The following TGM6 variants were observed in gnomAD, a reference collection of about 807,000 sequenced individuals.
TGM6 encodes the protein protein-glutamine gamma-glutamyltransferase 6.
TGM6 carries 74 observed loss-of-function variants against 77.5 expected under a neutral mutation model. That is an observed-to-expected ratio of 0.96 (90% confidence interval 0.79 to 1.16). The LOEUF is 1.16. TGM6 is among the 50% of genes most tolerant of loss of function. The pLI is 0.00. For synonymous variants in TGM6, 383 were observed against 378.9 expected (o/e 1.01, Z -0.12); for missense variants, 968 against 940.2 (o/e 1.03, Z -0.39).
chr20:2,420,950 T>G (rs1355912149), intron 10 of TGM6, among the ~76,000 whole-genome samples: 6 of 152,124 alleles, frequency 3.9e-5, no homozygotes, highest in Admixed American at 2.6e-4. Context: ...GCTGTAAACA[T>G]CCTTATGCAG....
intron 10 of TGM6, among the ~76,000 whole-genome samples, chr20:2,421,993 G>A (rs770626543): frequency 2.0e-5 from 3 of 152,096 alleles, no homozygotes; most frequent in East Asian, 1.9e-4. Flanking sequence ...GTAGCTGGGC[G>A]TGGTGGTGGG....
intron 9 of TGM6, among the ~76,000 whole-genome samples, chr20:2,414,941 G>GA (rs1568665932): frequency 7.2e-6 from 1 of 139,686 alleles, no homozygotes; most frequent in African/African-American, 2.8e-5. Flanking sequence ...ATTTGGGGGG[G>GA]GGGGTGAAAA....
At chr20:2,390,703 T>C (rs1308450507) in intron 1 of TGM6, among the ~76,000 whole-genome samples, 2 of 151,842 alleles carry the variant, frequency 1.3e-5, no homozygotes, top group African/African-American at 2.4e-5. Flanking sequence ...TGGAGGAAAA[T>C]AGTGGAGAAG....
At chr20:2,411,742 C>T (rs1022791951) in intron 9 of TGM6, among the ~76,000 whole-genome samples, 2 of 152,086 alleles carry the variant, frequency 1.3e-5, no homozygotes, top group Non-Finnish European at 2.9e-5. Flanking sequence ...TAGACTCTTA[C>T]ATTATATAGA....
intron 10 of TGM6, among the ~76,000 whole-genome samples, chr20:2,424,954 T>C (rs1285740311): frequency 6.6e-6 from 1 of 152,150 alleles, no homozygotes; most frequent in Admixed American, 6.5e-5. Flanking sequence ...CAGTCAGAAC[T>C]CACATGACAT....
intron 10 of TGM6, 118 bp downstream of exon 10, chr20:2,417,691 C>T (rs1301668908): frequency 1.2e-5 from 14 of 1,201,050 alleles, no homozygotes; most frequent in Admixed American, 2.0e-5. Context: ...GGGGACATTC[C>T]TGAGCATTGT....
At chr20:2,387,037 T>C (rs2084601124) in intron 1 of TGM6, among the ~76,000 whole-genome samples, 1 of 152,244 alleles carries the variant, frequency 6.6e-6, no homozygotes, top group Non-Finnish European at 1.5e-5. Flanking sequence ...ACATGAATTG[T>C]GGGCTACAAA....
chr20:2,412,421 A>G (rs1014233201), intron 9 of TGM6, among the ~76,000 whole-genome samples: 1 of 152,178 alleles, frequency 6.6e-6, no homozygotes, highest in African/African-American at 2.4e-5. Flanking sequence ...TGATGGTTAC[A>G]CAACAATATG....
chr20:2,386,151 C>T (rs904127432), intron 1 of TGM6, among the ~76,000 whole-genome samples: 1 of 152,150 alleles, frequency 6.6e-6, no homozygotes, highest in African/African-American at 2.4e-5. Context: ...CTCACTGTCC[C>T]CATGAGGACT....
chr20:2,411,322 A>G (rs1249674871), intron 9 of TGM6, among the ~76,000 whole-genome samples: 1 of 152,234 alleles, frequency 6.6e-6, no homozygotes, highest in African/African-American at 2.4e-5. Context: ...ATTTATCCCA[A>G]GAATACAAGA....
intron 9 of TGM6, among the ~76,000 whole-genome samples, chr20:2,405,955 G>A (rs1469050769): frequency 6.6e-6 from 1 of 152,142 alleles, no homozygotes; most frequent in Non-Finnish European, 1.5e-5. Flanking sequence ...ACCTCCCACA[G>A]GGAGGAGAAT....
intron 9 of TGM6, among the ~76,000 whole-genome samples, chr20:2,411,540 G>A (rs2084784087): frequency 6.6e-6 from 1 of 151,770 alleles, no homozygotes; most frequent in Admixed American, 6.6e-5. Flanking sequence ...CAGCTAAAAT[G>A]ATACTTAATA....
At chr20:2,426,769 T>C (rs1425065336) in intron 10 of TGM6, among the ~76,000 whole-genome samples, 1 of 152,220 alleles carries the variant, frequency 6.6e-6, no homozygotes, top group East Asian at 1.9e-4. Context: ...TCTATTGATA[T>C]GATCATGTTA....
At chr20:2,431,318 CTCAT>C (rs1374201470) in intron 12 of TGM6, among the ~76,000 whole-genome samples, 1 of 152,178 alleles carries the variant, frequency 6.6e-6, no homozygotes, top group African/African-American at 2.4e-5. Flanking sequence ...CTCTCTTTCA[CTCAT>C]TCATTCATGC....
intron 10 of TGM6, among the ~76,000 whole-genome samples, chr20:2,429,659 C>T (rs1407343914): frequency 6.6e-6 from 1 of 151,960 alleles, no homozygotes; most frequent in Non-Finnish European, 1.5e-5. Context: ...GTCCCAGCTA[C>T]TCAAGAGGCT....
intron 9 of TGM6, among the ~76,000 whole-genome samples, chr20:2,404,561 G>A (rs1338210672): frequency 6.6e-6 from 1 of 152,014 alleles, no homozygotes; most frequent in African/African-American, 2.4e-5. Flanking sequence ...GGTTGCTAAA[G>A]AGGAGACACA....
At chr20:2,415,207 A>G (rs1037800671) in intron 9 of TGM6, among the ~76,000 whole-genome samples, 17 of 152,358 alleles carry the variant, frequency 1.1e-4, no homozygotes, top group Admixed American at 6.5e-4. Context: ...ATAATAAAAC[A>G]TGGAATGTTA....
chr20:2,394,444 C>T lies in TGM6; in HGVS notation c.8-8C>T, dbSNP rs1327764401. On this transcript the variant is annotated splice_region_variant and splice_polypyrimidine_tract_variant and intron_variant, in intron 1 of 12. Coordinates refer to ENST00000202625, the MANE Select transcript of TGM6 (RefSeq NM_198994.3). Reference sequence around the variant, plus strand: ...GTGGCCTCATCTCCCTGTCCTCTCCCCACCCAGGGATCAGAGTCACCAAGG... The same window carrying T: ...GTGGCCTCATCTCCCTGTCCTCTCCTCACCCAGGGATCAGAGTCACCAAGG... The T allele has an allele frequency of 6.2e-7, 1 of 1,611,162 alleles. No individual in the cohort carries two copies. The highest frequency in any genetic ancestry group is 1.3e-5 in the African/African-American group (1 of 74,860).
chr20:2,397,898 A>G lies in TGM6; in HGVS notation c.544-20A>G, dbSNP rs1276371844. Reference sequence around the variant, plus strand: ...GGGTGACTGAACGCAGCCTCTAAGCACAGCCTCTCTGGGGAGCAGTTTGAG... The same window carrying G: ...GGGTGACTGAACGCAGCCTCTAAGCGCAGCCTCTCTGGGGAGCAGTTTGAG... On this transcript the variant is annotated intron_variant, in intron 4 of 12. Transcript: ENST00000202625. The G allele has an allele frequency of 1.2e-6, 2 of 1,614,118 alleles. No individual in the cohort carries two copies. Among genetic ancestry groups the G allele is most frequent in the Admixed American group, 3.3e-5 (2 of 60,020 alleles).
Sources: gnomAD v4.1 joint callset for allele counts (sites outside exome capture counted in the v4.1 genomes callset) on GRCh38, gnomAD v4.1.1 for gene constraint, MANE v1.5 for transcripts, NCBI Gene and HGNC (gene_info 2026-07-23, HGNC 2026-07-21) for gene names.